Variants in PSD4 observed in about 807,000 individuals in gnomAD.
PSD4 encodes the protein pleckstrin and Sec7 domain containing 4, also known as PH and SEC7 domain-containing protein 4.
PSD4 carries 59 observed loss-of-function variants against 112.5 expected under a neutral mutation model. The observed-to-expected ratio is 0.52, with a 90% CI of 0.43 to 0.65. The LOEUF (loss-of-function observed/expected upper bound fraction) is 0.65, where lower values mean the gene tolerates loss of function less well. Ranked by LOEUF, PSD4 falls within the 30% of genes least tolerant of loss-of-function variation. The pLI, the probability that PSD4 is intolerant of heterozygous loss-of-function variation, is 0.00. For synonymous variants in PSD4, 533 were observed against 540.0 expected (o/e 0.99, Z 0.18); for missense variants, 1,267 against 1,352.6 (o/e 0.94, Z 0.99).
At chr2:113,183,587 G>C in intron 2 of PSD4, 75 bp downstream of exon 2, 1 of 1,345,666 alleles carries the variant, frequency 7.4e-7, no homozygotes, top group South Asian at 1.5e-5. Flanking sequence ...GGGGTCACCA[G>C]GCCCAGAACA....
intron 10 of PSD4, among the ~76,000 whole-genome samples, chr2:113,195,304 G>T (rs6751427): frequency 0.25 from 38,568 of 151,822 alleles, 5,403 homozygotes; most frequent in African/African-American, 0.39. Flanking sequence ...GGGATTACAG[G>T]TGTGCACCAC....
At chr2:113,179,975 G>A (rs1173253234) in intron 1 of PSD4, among the ~76,000 whole-genome samples, 1 of 152,008 alleles carries the variant, frequency 6.6e-6, no homozygotes. Context: ...CAGAGGGAGG[G>A]GTAAAAACCC....
chr2:113,188,650 G>A (rs1300774572), intron 5 of PSD4, among the ~76,000 whole-genome samples: 1 of 151,918 alleles, frequency 6.6e-6, no homozygotes, highest in Non-Finnish European at 1.5e-5. Context: ...GCGTGATCTC[G>A]GCTCACTGCA....
intron 16 of PSD4, 95 bp from the exon 17 acceptor site, chr2:113,201,063 A>G: frequency 6.7e-7 from 1 of 1,494,482 alleles, no homozygotes; most frequent in African/African-American, 1.4e-5. Context: ...GTATCGCCAT[A>G]GCTTCATGTA....
Position 113,196,208 on chromosome 2 carries a change from A to T in PSD4, c.2287A>T (p.Ser763Cys). ...AQPSLPAGKMSKPFLQLAQDP... is the reference protein window; with the variant it reads ...AQPSLPAGKMCKPFLQLAQDP... ...GCCGTCCCTGCCAGCTGGCAAGATGAGCAAGCCCTTCCTTCAGCTGGCTCA... is the reference window on the plus strand; with the variant it reads ...GCCGTCCCTGCCAGCTGGCAAGATGTGCAAGCCCTTCCTTCAGCTGGCTCA... Residue 763 changes from serine (S) to cysteine (C), a missense_variant, in exon 12 of 17, where the codon AGC (serine) becomes TGC (cysteine). Around this residue, in one of 2 missense-constraint regions of PSD4, gnomAD observed 544 missense variants for 648.6 expected, o/e 0.84. Transcript: ENST00000245796. 6.2e-7 allele frequency: 1 copy of T among 1,614,116 alleles called. No individual in the cohort carries two copies. The highest frequency in any genetic ancestry group is 8.5e-7 in the Non-Finnish European group (1 of 1,179,934).
At chr2:113,188,615 C>T (rs1688364315) in intron 5 of PSD4, among the ~76,000 whole-genome samples, 2 of 151,646 alleles carry the variant, frequency 1.3e-5, no homozygotes, top group South Asian at 4.2e-4. Context: ...GAGTCTCACT[C>T]TGTGGCCCAG....
chr2:113,190,857 T>G (rs1175505498), intron 5 of PSD4, among the ~76,000 whole-genome samples: 1 of 152,270 alleles, frequency 6.6e-6, no homozygotes, highest in Admixed American at 6.5e-5. Context: ...AATTAAATTT[T>G]AGGCATTGTG....
rs189247037 is a variant in PSD4 at position 113,187,766 on chromosome 2, A to C, written c.1628+1511A>C. Among the ~76,000 whole-genome samples the C allele has an allele frequency of 2.1e-4, 32 of 152,252 alleles. No homozygotes were observed. In the East Asian group the frequency reaches 5.8e-3, roughly 28 times the overall value. On this transcript the variant is annotated intron_variant, in intron 5 of 16. Transcript: ENST00000245796. ...TCATAATATGAAAACGTTCCCTGAT[A>C]AACAGACGAATAACATTAGGTTTCA...
intron 14 of PSD4, 82 bp downstream of exon 14, chr2:113,197,995 C>A: frequency 7.2e-7 from 1 of 1,397,926 alleles, no homozygotes; most frequent in Non-Finnish European, 9.5e-7. Context: ...ACACCTGAGG[C>A]TTGTGGGCCC....
rs927456595 is a variant in PSD4, at chr2:113,195,857, G to A, written c.2225+87G>A. Reference sequence around the variant, plus strand: ...CCCTCTGTCACCCACCCGAGAGTTAGAGAAACTCAGATAGTGCTCCCCTTG... The same window carrying A: ...CCCTCTGTCACCCACCCGAGAGTTAAAGAAACTCAGATAGTGCTCCCCTTG... On this transcript the variant is annotated intron_variant, in intron 11 of 16. Coordinates refer to ENST00000245796, the MANE Select transcript of PSD4 (RefSeq NM_012455.3). The A allele has an allele frequency of 3.2e-6, 5 of 1,545,216 alleles. No individual in the cohort carries two copies. The East Asian group carries it at 1.1e-4, about 35-fold the overall frequency.
Position 113,203,957 on chromosome 2 carries a change from C to T in PSD4, c.*2542C>T, listed in dbSNP as rs1254004999. On this transcript the variant is annotated 3_prime_UTR_variant, in exon 17 of 17. Coordinates refer to ENST00000245796, the MANE Select transcript of PSD4 (RefSeq NM_012455.3). The stretch of plus-strand genomic sequence containing the variant: ...TCCTTTGCTCATGTAGAACCGGCAC[C>T]TCTCTTTCACCTGAGCACGTGGAAT... 6.6e-6 allele frequency: 1 copy of T among 152,220 alleles called. No individual in the cohort carries two copies. The highest frequency in any genetic ancestry group is 1.5e-5 in the Non-Finnish European group (1 of 68,050). 9.4% of individuals were successfully genotyped at this position (152,220 alleles called of 1,614,324 possible).
chr2:113,183,528 G>C lies in PSD4; in HGVS notation c.1056+16G>C. On this transcript the variant is annotated intron_variant, in intron 2 of 16. Coordinates refer to ENST00000245796, the MANE Select transcript of PSD4 (RefSeq NM_012455.3). ...GGAGAGTGAGGTAAGCCCAGTCTTG[G>C]GAACCAACCGGGGCTGTGCTGGGAA... is the stretch of plus-strand genomic sequence containing the variant. The C allele has an allele frequency of 6.5e-7, 1 of 1,534,766 alleles. No homozygotes were observed. The highest frequency in any genetic ancestry group is 1.8e-4 in the Middle Eastern group (1 of 5,708).
At position 113,182,540 on chromosome 2, in the gene PSD4, C is replaced by T. The variant is rs1688166999; in HGVS notation, c.84C>T (p.His28=). The T allele has an allele frequency of 6.2e-7, 1 of 1,614,078 alleles. No homozygotes were observed. The highest frequency in any genetic ancestry group is 8.5e-7 in the Non-Finnish European group (1 of 1,180,038). ...NLYLGDSLEP[H]PGECPRETCS... ...ACTTGGGAGACAGCCTGGAGCCCCA[C>T]CCAGGAGAGTGCCCAAGGGAAACGT... is the stretch of plus-strand genomic sequence containing the variant. The change falls in exon 2 of 17, where the codon CAC becomes CAT. Residue 28 remains histidine, a synonymous_variant. Coordinates refer to ENST00000245796, the MANE Select transcript of PSD4 (RefSeq NM_012455.3).
In PSD4 at chr2:113,196,214, C is replaced by A. The variant is rs745956267; in HGVS notation, c.2293C>A (p.Pro765Thr). Residue 765 changes from proline (P) to threonine (T), a missense_variant, in exon 12 of 17, where the codon CCC becomes ACC. Transcript: ENST00000245796. ...PSLPAGKMSK[P>T]FLQLAQDPTV... is the part of the protein sequence containing the mutation. ...CCTGCCAGCTGGCAAGATGAGCAAG[C>A]CCTTCCTTCAGCTGGCTCAGGATCC... is the stretch of plus-strand genomic sequence containing the variant. The A allele has an allele frequency of 6.2e-7, 1 of 1,614,120 alleles. No individual in the cohort carries two copies. Among genetic ancestry groups the A allele is most frequent in the South Asian group, 1.1e-5 (1 of 91,084 alleles).
At position 113,182,383 on chromosome 2, in the gene PSD4, C is replaced by A; in HGVS notation, c.-74C>A. The A allele has an allele frequency of 7.3e-7, 1 of 1,378,160 alleles. No homozygotes were observed. Among genetic ancestry groups the A allele is most frequent in the Non-Finnish European group, 9.9e-7 (1 of 1,006,348 alleles). The allele number at this position is 1,378,160 out of a possible 1,614,324, so 85.4% of individuals were successfully genotyped here. A position where few individuals can be genotyped will look rare whatever the true frequency, so the allele number is the denominator to read the frequency against. ...TTCCCAGTTTCTCCAGCGGCCAGTG[C>A]TCCCCCTAGTCCACACAGTGAGACC... On this transcript the variant is annotated 5_prime_UTR_variant, in exon 2 of 17. Transcript: ENST00000245796.
chr2:113,188,615 C>A (rs1688364315), intron 5 of PSD4, among the ~76,000 whole-genome samples: 1 of 151,646 alleles, frequency 6.6e-6, no homozygotes, highest in Admixed American at 6.6e-5. Flanking sequence ...GAGTCTCACT[C>A]TGTGGCCCAG....
At chr2:113,192,231 G>T in intron 5 of PSD4, 149 bp from the exon 6 acceptor site, 1 of 766,840 alleles carries the variant, frequency 1.3e-6, no homozygotes, top group Non-Finnish European at 2.2e-6. Flanking sequence ...GGCTAAGTCA[G>T]TCTGGCTGTG....
intron 2 of PSD4, 148 bp from the exon 3 acceptor site, chr2:113,184,809 C>T (rs1021641032): frequency 3.3e-6 from 4 of 1,194,926 alleles, no homozygotes; most frequent in Non-Finnish European, 4.7e-6. Flanking sequence ...CACAGCCCCT[C>T]CTTGGGCTGG....
At chr2:113,185,723 C>T (rs1163949620) in intron 4 of PSD4, 154 bp from the exon 5 acceptor site, 1 of 1,549,440 alleles carries the variant, frequency 6.5e-7, no homozygotes, top group East Asian at 2.4e-5. Flanking sequence ...TGTCTGCTGC[C>T]TCTGCAAGTG....
Sources: allele counts gnomAD v4.1 joint callset (sites outside exome capture counted in the v4.1 genomes callset), GRCh38; gene constraint gnomAD v4.1.1; regional missense constraint gnomAD v4.1.1; transcripts MANE v1.5; gene names NCBI Gene and HGNC (gene_info 2026-07-23, HGNC 2026-07-21).